RBFOX1: variants seen among roughly 807,000 people sequenced by gnomAD.
RBFOX1 encodes the protein RNA binding protein fox-1 homolog 1.
In RBFOX1, 8 loss-of-function variants were observed where a neutral mutation model predicts 57.7. The ratio of observed to expected loss-of-function variants is 0.14; its 90% CI spans 0.08 to 0.25. RBFOX1 has a LOEUF of 0.25. Ranked by LOEUF, RBFOX1 falls within the 10% of genes least tolerant of loss-of-function variation. The pLI is 1.00. For synonymous variants in RBFOX1, 326 were observed against 222.4 expected (o/e 1.47, Z -4.15); for missense variants, 611 against 548.5 (o/e 1.11, Z -1.14).
intron 4 of RBFOX1, among the ~76,000 whole-genome samples, chr16:7,187,127 C>T (rs2084052437): frequency 6.6e-6 from 1 of 151,668 alleles, no homozygotes; most frequent in Admixed American, 6.6e-5. Context: ...CATGATGGTG[C>T]CACTGCACTC....
chr16:7,088,717 G>A (rs1239400484), intron 4 of RBFOX1, among the ~76,000 whole-genome samples: 1 of 152,124 alleles, frequency 6.6e-6, no homozygotes, highest in Non-Finnish European at 1.5e-5. Flanking sequence ...GTGTAGTTTA[G>A]CCAATAAAGA....
At chr16:5,951,309 G>A (rs1005775227) in intron 4 of RBFOX1, among the ~76,000 whole-genome samples, 1 of 152,044 alleles carries the variant, frequency 6.6e-6, no homozygotes, top group Non-Finnish European at 1.5e-5. Context: ...TTACCCGGGT[G>A]TGGTGGTGTG....
intron 3 of RBFOX1, among the ~76,000 whole-genome samples, chr16:6,944,421 A>C (rs935977861): frequency 7.5e-4 from 112 of 149,812 alleles, no homozygotes; most frequent in African/African-American, 2.8e-3. Flanking sequence ...AAAAAGAAAG[A>C]AAAGAAAAAA....
intron 12 of RBFOX1, among the ~76,000 whole-genome samples, chr16:7,658,494 T>G (rs1296476399): frequency 6.6e-6 from 1 of 152,114 alleles, no homozygotes; most frequent in Non-Finnish European, 1.5e-5. Context: ...TGACTCACAT[T>G]TGGGAGGAAT....
At chr16:6,964,919 C>G (rs1197787912) in intron 3 of RBFOX1, among the ~76,000 whole-genome samples, 1 of 152,188 alleles carries the variant, frequency 6.6e-6, no homozygotes, top group Non-Finnish European at 1.5e-5. Flanking sequence ...AGGCTAATCC[C>G]CATCTCTGCG....
intron 3 of RBFOX1, among the ~76,000 whole-genome samples, chr16:5,834,278 A>G (rs796860547): frequency 2.0e-4 from 30 of 152,220 alleles, no homozygotes; most frequent in African/African-American, 3.9e-4. Flanking sequence ...TGAGTCTCCA[A>G]TGTCCACCAT....
chr16:5,397,724 CAT>C (rs900286607), intron 1 of RBFOX1, among the ~76,000 whole-genome samples: 3 of 152,164 alleles, frequency 2.0e-5, no homozygotes, highest in Non-Finnish European at 4.4e-5. Flanking sequence ...TTGATTCACA[CAT>C]GATAAGACCA....
chr16:6,629,433 A>T (rs1452475043), intron 2 of RBFOX1, among the ~76,000 whole-genome samples: 2 of 152,182 alleles, frequency 1.3e-5, no homozygotes, highest in East Asian at 1.9e-4. Flanking sequence ...GCCTTGATTT[A>T]TGTTTTATTT....
intron 2 of RBFOX1, among the ~76,000 whole-genome samples, chr16:6,457,026 A>G (rs1351161842): frequency 1.3e-5 from 2 of 152,168 alleles, no homozygotes; most frequent in Non-Finnish European, 2.9e-5. Flanking sequence ...CACACTGAGA[A>G]GTGAGAGGGG....
intron 3 of RBFOX1, chr16:5,610,670 T>C (rs2047747730): frequency 6.6e-6 from 1 of 150,964 alleles, no homozygotes; most frequent in South Asian, 2.1e-4. Flanking sequence ...AGGGATACTT[T>C]GTCTCTATAA....
intron 4 of RBFOX1, among the ~76,000 whole-genome samples, chr16:7,505,982 G>C (rs1014954577): frequency 3.3e-5 from 5 of 151,934 alleles, no homozygotes; most frequent in Admixed American, 2.6e-4. Context: ...TCAGGAGGTT[G>C]AGACCATCCT....
chr16:6,729,543 C>G (rs926591587), intron 3 of RBFOX1, among the ~76,000 whole-genome samples: 1 of 152,132 alleles, frequency 6.6e-6, no homozygotes, highest in East Asian at 1.9e-4. Context: ...ATACAGCTGC[C>G]TGGAAAGCCT....
intron 4 of RBFOX1, among the ~76,000 whole-genome samples, chr16:7,131,863 G>A (rs2070509389): frequency 6.6e-6 from 1 of 152,066 alleles, no homozygotes. Context: ...TTAACTTCCA[G>A]AGGGGCACAT....
intron 4 of RBFOX1, among the ~76,000 whole-genome samples, chr16:7,405,740 A>G (rs2098329406): frequency 6.6e-6 from 1 of 152,150 alleles, no homozygotes; most frequent in Non-Finnish European, 1.5e-5. Context: ...GTAAGCTTGG[A>G]TGACACAGAG....
intron 3 of RBFOX1, among the ~76,000 whole-genome samples, chr16:5,833,252 G>C (rs1357713768): frequency 2.0e-5 from 3 of 152,124 alleles, no homozygotes; most frequent in Admixed American, 1.3e-4. Context: ...CCTGCACTTT[G>C]GGAGGCTGAG....
chr16:6,208,200 A>G (rs910703722), intron 1 of RBFOX1, among the ~76,000 whole-genome samples: 3 of 152,094 alleles, frequency 2.0e-5, no homozygotes, highest in Non-Finnish European at 4.4e-5. Flanking sequence ...TTGTAAAACT[A>G]TAAGTTTAAA....
At chr16:6,843,686 C>G (rs1017864533) in intron 3 of RBFOX1, among the ~76,000 whole-genome samples, 1 of 152,126 alleles carries the variant, frequency 6.6e-6, no homozygotes, top group Non-Finnish European at 1.5e-5. Context: ...GAGACTCCAT[C>G]TCAAAATAAA....
At chr16:6,238,979 G>A (rs1479164316) in intron 1 of RBFOX1, among the ~76,000 whole-genome samples, 1 of 152,010 alleles carries the variant, frequency 6.6e-6, no homozygotes, top group African/African-American at 2.4e-5. Flanking sequence ...GTGCTGTAAG[G>A]TAGTAGGTCT....
intron 3 of RBFOX1, among the ~76,000 whole-genome samples, chr16:5,651,968 A>C (rs2049255151): frequency 6.6e-6 from 1 of 152,128 alleles, no homozygotes; most frequent in South Asian, 2.1e-4. Flanking sequence ...CCCCATTTCT[A>C]CTAAAGAAAG....
Sources: gnomAD v4.1 joint callset for allele counts (sites outside exome capture counted in the v4.1 genomes callset) on GRCh38, gnomAD v4.1.1 for gene constraint, MANE v1.5 for transcripts, NCBI Gene and HGNC (gene_info 2026-07-23, HGNC 2026-07-21) for gene names.